Variants in SNED1 observed in about 807,000 individuals in gnomAD.
The protein encoded by SNED1 is sushi, nidogen and EGF-like domain-containing protein 1.
SNED1 carries 81 observed loss-of-function variants against 166.7 expected under a neutral mutation model. The observed-to-expected ratio is 0.49, with a 90% CI of 0.41 to 0.58. The LOEUF is 0.58. Among genes scored for constraint, SNED1 ranks in the 20% least tolerant of loss-of-function variants. The probability of loss-of-function intolerance (pLI) is 0.00; values close to 1 mark genes in which losing one functional copy is unlikely to be tolerated. For missense variants in SNED1, 1,604 were observed against 2,000.2 expected (o/e 0.80, Z 3.78); for synonymous variants, 762 against 822.0 (o/e 0.93, Z 1.25).
chr2:240,999,087 G>A lies in SNED1; in HGVS notation c.213+37G>A. On this transcript the variant is annotated intron_variant, in intron 1 of 31. Transcript: ENST00000310397. This position sits in a 1 kb window ranked among gnomAD's most constrained non-coding sequence, Gnocchi z 5.8. ...CCGGGCTCGCGGGGCGCCCGGGAGG[G>A]GAGGGAGCTGCGCCCCGGCCGCTGC... is the stretch of plus-strand genomic sequence containing the variant. The A allele has an allele frequency of 1.7e-6, 2 of 1,195,116 alleles. No individual in the cohort carries two copies. The highest frequency in any genetic ancestry group is 2.1e-6 in the Non-Finnish European group (2 of 947,414). The allele number at this position is 1,195,116 out of a possible 1,614,324, so 74.0% of individuals were successfully genotyped here.
At chr2:240,998,611 C>T (rs945200530), upstream of SNED1, among the ~76,000 whole-genome samples, 50 of 152,006 alleles carry the variant, frequency 3.3e-4, no homozygotes, top group African/African-American at 1.2e-3. Flanking sequence ...GCCCCAGGGG[C>T]GGGGCTGGCC....
At chr2:241,003,445 C>T (rs959745021) in intron 1 of SNED1, among the ~76,000 whole-genome samples, 2 of 152,252 alleles carry the variant, frequency 1.3e-5, no homozygotes, top group African/African-American at 2.4e-5. Context: ...GCCACATCCA[C>T]ATGGTGGGCT....
At chr2:241,015,461 A>G (rs193051674) in intron 1 of SNED1, 57 of 152,348 alleles carry the variant, frequency 3.7e-4, no homozygotes, top group African/African-American at 1.2e-3. Flanking sequence ...TTTATATCCA[A>G]CTGCCTGACA....
At chr2:241,065,206 G>A (rs2062389064) in intron 20 of SNED1, 93 bp from the exon 21 acceptor site, 4 of 1,344,326 alleles carry the variant, frequency 3.0e-6, no homozygotes, top group South Asian at 1.3e-5. Context: ...TCAGGCCCAA[G>A]AGCCAGACCC....
chr2:241,052,533 A>C, intron 15 of SNED1, 65 bp downstream of exon 15: 1 of 1,179,524 alleles, frequency 8.5e-7, no homozygotes. Context: ...TGAGATGGCC[A>C]GGGCCCAAGC....
At chr2:241,067,223 C>T (rs920166482) in intron 21 of SNED1, among the ~76,000 whole-genome samples, 1 of 152,224 alleles carries the variant, frequency 6.6e-6, no homozygotes, top group African/African-American at 2.4e-5. Flanking sequence ...GAGCGCTGCC[C>T]TCTGGGCTCT....
chr2:241,067,542 T>G (rs1026613153), intron 21 of SNED1, among the ~76,000 whole-genome samples: 3 of 152,182 alleles, frequency 2.0e-5, no homozygotes, highest in Non-Finnish European at 4.4e-5. Flanking sequence ...CAGCGGGCTC[T>G]GCAGCCGTCA....
In SNED1 at chr2:241,091,526, C is replaced by CCCCGTGTGCACTGCCATG. The variant is rs1279561073; in HGVS notation, c.*2-112_*2-111insCCCGTGTGCACTGCCATG. 1.3e-5 allele frequency: 2 copies of CCCCGTGTGCACTGCCATG among 151,836 alleles called. No homozygotes were observed. Among genetic ancestry groups the CCCCGTGTGCACTGCCATG allele is most frequent in the African/African-American group, 4.8e-5 (2 of 41,260 alleles). 9.4% of individuals were successfully genotyped at this position (151,836 alleles called of 1,614,324 possible). On this transcript the variant is annotated intron_variant, in intron 31 of 31. Transcript: ENST00000310397. The surrounding 1 kb of genome is among the most constrained non-coding windows in gnomAD (Gnocchi z 4.1). ...TGGTGCTCTAAGAACGTGGGGTCCTCTGGGTGACAGAGGCCCTGAGGGCCA... is the reference window on the plus strand; with the variant it reads ...TGGTGCTCTAAGAACGTGGGGTCCTCCCCGTGTGCACTGCCATGTGGGTGACAGAGGCCCTGAGGGCCA...
chr2:241,073,030 G>T lies in SNED1; in HGVS notation c.3818-236G>T. ...TGGTGGCTGTCCCTGAAGCAGCTCT[G>T]AGGGGGCCCTGCAAGGGGAAGGCCG... On this transcript the variant is annotated intron_variant, in intron 26 of 31. Coordinates refer to ENST00000310397, the MANE Select transcript of SNED1 (RefSeq NM_001080437.3). The surrounding 1 kb of genome is among the most constrained non-coding windows in gnomAD (Gnocchi z 6.6). The T allele has an allele frequency of 1.9e-6, 1 of 533,224 alleles. No individual in the cohort carries two copies. The highest frequency in any genetic ancestry group is 3.0e-5 in the South Asian group (1 of 33,892). The allele number at this position is 533,224 out of a possible 1,614,324, so 33.0% of individuals were successfully genotyped here.
chr2:241,056,741 C>T (rs1396273822), intron 16 of SNED1, among the ~76,000 whole-genome samples: 3 of 151,764 alleles, frequency 2.0e-5, no homozygotes, highest in Non-Finnish European at 4.4e-5. Flanking sequence ...TCACCACGCC[C>T]GGCTAATTTT....
intron 31 of SNED1, chr2:241,090,518 T>C (rs60381014): frequency 0.087 from 127,914 of 1,461,964 alleles, 6,409 homozygotes; most frequent in East Asian, 0.23. Context: ...TCAAGTATTA[T>C]GTACTCTACA....
At chr2:241,078,255 C>CAT (rs2063134742) in intron 27 of SNED1, among the ~76,000 whole-genome samples, 1 of 151,434 alleles carries the variant, frequency 6.6e-6, no homozygotes, top group Non-Finnish European at 1.5e-5. Flanking sequence ...TGGTGGCGGG[C>CAT]GCCTGTAGTC....
At chr2:241,023,091 A>C (rs930648194) in intron 1 of SNED1, among the ~76,000 whole-genome samples, 7 of 151,910 alleles carry the variant, frequency 4.6e-5, no homozygotes, top group African/African-American at 1.7e-4. Flanking sequence ...CTTCTTTTAC[A>C]TAGGAGTTTA....
intron 1 of SNED1, among the ~76,000 whole-genome samples, chr2:241,017,338 G>C (rs181921506): frequency 2.0e-5 from 3 of 152,356 alleles, no homozygotes; most frequent in Admixed American, 6.5e-5. Context: ...TGCTGTCTAA[G>C]TCCTGCCAGC....
intron 16 of SNED1, among the ~76,000 whole-genome samples, chr2:241,060,792 G>T (rs1041562928): frequency 6.6e-6 from 1 of 152,068 alleles, no homozygotes; most frequent in Non-Finnish European, 1.5e-5. Context: ...TTAACCAGGC[G>T]TAGTGGCATG....
chr2:241,082,188 C>CG (rs2063360407), intron 28 of SNED1, 89 bp from the exon 29 acceptor site: 1 of 1,052,938 alleles, frequency 9.5e-7, no homozygotes, highest in African/African-American at 1.6e-5. Flanking sequence ...TAAGGACCCC[C>CG]GGGCCCTCTC....
intron 26 of SNED1, chr2:241,072,183 G>C: frequency 1.6e-6 from 1 of 620,662 alleles, no homozygotes. Flanking sequence ...CATTACAGCA[G>C]CTTTATTTGC....
chr2:241,064,905 C>G lies in SNED1; in HGVS notation c.2661C>G (p.Gly887=), dbSNP rs1439850686. 1 of 1,584,618 alleles carries G rather than the reference C, an allele frequency of 6.3e-7. No homozygotes were observed. The highest frequency in any genetic ancestry group is 8.5e-7 in the Non-Finnish European group (1 of 1,171,560). ...GTGGCTATTGCCTGGCCAGCAACGG[C>G]TCCCACAGCTGCACCTGCAAAGTGG... ...GGRGYCLASN[G]SHSCTCKVGY... is the part of the protein sequence containing the mutation. Residue 887 remains glycine, a synonymous_variant, in exon 20 of 32, where the codon GGC becomes GGG. Transcript: ENST00000310397. This position sits in a 1 kb window ranked among gnomAD's most constrained non-coding sequence, Gnocchi z 7.0.
chr2:241,082,386 G>A (rs746481464), intron 29 of SNED1, 22 bp downstream of exon 29: 18 of 1,580,772 alleles, frequency 1.1e-5, no homozygotes, highest in South Asian at 4.4e-5. Context: ...TCTGTCCTCC[G>A]CCTTACCGCA....
Sources: gnomAD v4.1 joint callset for allele counts (sites outside exome capture counted in the v4.1 genomes callset) on GRCh38, gnomAD v4.1.1 for gene constraint, Gnocchi (gnomAD v3.1) non-coding constraint, MANE v1.5 for transcripts, NCBI Gene and HGNC (gene_info 2026-07-23, HGNC 2026-07-21) for gene names.